Variants in CPED1 observed in about 807,000 individuals in gnomAD.
CPED1 encodes the protein cadherin like and PC-esterase domain containing 1.
Under a neutral mutation model 128.2 loss-of-function variants are expected in CPED1, and 114 were observed. The observed-to-expected ratio is 0.89, with a 90% CI of 0.76 to 1.04. CPED1 has a LOEUF of 1.04. Among genes scored for constraint, CPED1 ranks in the 50% least tolerant of loss-of-function variants. The pLI is 0.00. For missense variants in CPED1, 1,211 were observed against 1,207.1 expected, an observed-to-expected ratio of 1.00 and a Z score of -0.05; for synonymous variants, 462 against 426.7, an observed-to-expected ratio of 1.08 and a Z score of -1.02.
chr7:121,258,351 CATTGCAATATAGCACAATA>C (rs1791937294), intron 18 of CPED1, among the ~76,000 whole-genome samples: 1 of 152,008 alleles, frequency 6.6e-6, no homozygotes, highest in South Asian at 2.1e-4. Context: ...GAGAAACAAT[CATTGCAATATAGCACAATA>C]ATTGCAATAG....
At position 121,127,164 on chromosome 7, in the gene CPED1, A is replaced by T. The variant is rs1177776723; in HGVS notation, c.1209A>T (p.Leu403Phe). The part of the protein sequence containing the change: ...FEDQNTEEFL[L>F]NDTFNFLFPN... ...ACCAAAATACAGAAGAATTCCTTTT[A>T]AATGACACTTTCAATTTTCTCTTCC... is the stretch of plus-strand genomic sequence containing the variant. Residue 403 changes from leucine (L) to phenylalanine (F), a missense_variant, in exon 10 of 23, where the codon TTA (leucine) becomes TTT (phenylalanine). Coordinates refer to ENST00000310396, the MANE Select transcript of CPED1 (RefSeq NM_024913.5). 6.3e-7 allele frequency: 1 copy of T among 1,594,980 alleles called. No individual in the cohort carries two copies. Among genetic ancestry groups the T allele is most frequent in the Non-Finnish European group, 8.6e-7 (1 of 1,164,736 alleles).
chr7:121,091,624 A>G (rs1354809261), intron 5 of CPED1, among the ~76,000 whole-genome samples: 2 of 152,204 alleles, frequency 1.3e-5, no homozygotes, highest in African/African-American at 2.4e-5. Flanking sequence ...TCTTGAGCAT[A>G]TAAGTCAAAG....
intron 3 of CPED1, among the ~76,000 whole-genome samples, chr7:121,019,731 T>C (rs1792388736): frequency 6.6e-6 from 1 of 152,004 alleles, no homozygotes; most frequent in African/African-American, 2.4e-5. Flanking sequence ...AGAGTAAACA[T>C]ATGCACTATT....
rs564733005 is a variant in CPED1 at position 121,040,590 on chromosome 7, G to A, written c.434-6297G>A. Among the ~76,000 whole-genome samples, 8 of 152,054 alleles carry A rather than the reference G, an allele frequency of 5.3e-5. No individual in the cohort carries two copies. In the East Asian group the frequency reaches 1.5e-3, roughly 29 times the overall value. On this transcript the variant is annotated intron_variant, in intron 3 of 22. Transcript: ENST00000310396. ...AATGTACTCATGAACATAATACTAT[G>A]CACTAATCCTGATAAAGGATGGATA...
In CPED1 at chr7:121,013,716, C is replaced by T. The variant is rs2116806042; in HGVS notation, c.250-1949C>T. ...AGTTTAGATGCAGAGTTTGTGTCCT[C>T]CTGAACTACTCTATGCTCTGTCTAT... On this transcript the variant is annotated intron_variant, in intron 2 of 22. Transcript: ENST00000310396. 2.0e-5 allele frequency among the ~76,000 whole-genome samples: 3 copies of T among 152,286 alleles called. No individual in the cohort carries two copies. In the South Asian group the frequency reaches 6.2e-4, roughly 32 times the overall value.
chr7:121,161,449 A>G (rs1173373800), intron 16 of CPED1, among the ~76,000 whole-genome samples: 3 of 152,154 alleles, frequency 2.0e-5, no homozygotes, highest in African/African-American at 7.2e-5. Context: ...TCTCTCTCCC[A>G]GGATTTTTCT....
At chr7:121,009,233 A>G (rs1792100161) in intron 2 of CPED1, among the ~76,000 whole-genome samples, 1 of 152,072 alleles carries the variant, frequency 6.6e-6, no homozygotes, top group African/African-American at 2.4e-5. Context: ...AATTTAATAT[A>G]TTAGATAGAG....
At chr7:120,995,694 T>A (rs1187614948) in intron 2 of CPED1, among the ~76,000 whole-genome samples, 1 of 152,146 alleles carries the variant, frequency 6.6e-6, no homozygotes, top group Admixed American at 6.5e-5. Flanking sequence ...CCAACCACCA[T>A]TTTCCTAGAT....
chr7:121,128,100 A>G (rs1465213683), intron 10 of CPED1, among the ~76,000 whole-genome samples: 1 of 152,100 alleles, frequency 6.6e-6, no homozygotes, highest in Non-Finnish European at 1.5e-5. Context: ...GAGTGCTTCA[A>G]AATAACATGG....
intron 16 of CPED1, among the ~76,000 whole-genome samples, chr7:121,223,231 T>C (rs1317054119): frequency 6.6e-6 from 1 of 152,230 alleles, no homozygotes; most frequent in Non-Finnish European, 1.5e-5. Context: ...GTTTTTGTCA[T>C]TGGTTCTGTT....
chr7:121,282,919 A>C (rs1395329907), intron 22 of CPED1, among the ~76,000 whole-genome samples: 2 of 152,208 alleles, frequency 1.3e-5, no homozygotes, highest in Non-Finnish European at 2.9e-5. Context: ...ACAACTCTGA[A>C]GATTGAAAGA....
intron 7 of CPED1, among the ~76,000 whole-genome samples, chr7:121,112,004 G>A (rs1026844978): frequency 7.9e-5 from 12 of 152,232 alleles, no homozygotes; most frequent in African/African-American, 1.9e-4. Flanking sequence ...CTTCACTCAC[G>A]CTCCTAGATA....
At chr7:121,257,781 C>G (rs1318747052) in intron 18 of CPED1, among the ~76,000 whole-genome samples, 1 of 152,022 alleles carries the variant, frequency 6.6e-6, no homozygotes, top group Non-Finnish European at 1.5e-5. Flanking sequence ...AAGTTCTCAT[C>G]CTACCCAGAA....
In CPED1 at chr7:121,251,609, A is replaced by T. The variant is rs535223027; in HGVS notation, c.2310+7271A>T. On this transcript the variant is annotated intron_variant, in intron 18 of 22. Transcript: ENST00000310396. ...AATCTCCTTAAGCTGATAAGCAACTACAGCAAAGTCTCAGGATACAAAATC... is the reference window on the plus strand; with the variant it reads ...AATCTCCTTAAGCTGATAAGCAACTTCAGCAAAGTCTCAGGATACAAAATC... Among the ~76,000 whole-genome samples, 299 of 152,300 alleles carry T rather than the reference A, an allele frequency of 2.0e-3. 1 individual carries two copies. Among genetic ancestry groups the T allele is most frequent in the African/African-American group, 6.0e-3 (249 of 41,570 alleles).
intron 7 of CPED1, among the ~76,000 whole-genome samples, chr7:121,114,158 G>A (rs1795178819): frequency 6.6e-6 from 1 of 152,150 alleles, no homozygotes; most frequent in Non-Finnish European, 1.5e-5. Context: ...AAACCCAGGA[G>A]ATAGATTGAG....
intron 16 of CPED1, among the ~76,000 whole-genome samples, chr7:121,202,140 A>T (rs1644776203): frequency 2.6e-5 from 4 of 152,156 alleles, no homozygotes. Context: ...ATTACCTCTG[A>T]CCTGGCTTCC....
intron 2 of CPED1, among the ~76,000 whole-genome samples, chr7:120,996,011 G>T (rs1404712509): frequency 6.7e-6 from 1 of 150,340 alleles, no homozygotes; most frequent in South Asian, 2.1e-4. Flanking sequence ...GGGAGTGGTG[G>T]CTCACATCTG....
intron 7 of CPED1, among the ~76,000 whole-genome samples, chr7:121,113,460 C>G (rs145732403): frequency 6.6e-6 from 1 of 152,252 alleles, no homozygotes; most frequent in African/African-American, 2.4e-5. Context: ...GGTATTTTAG[C>G]TGGGCTTGGA....
chr7:121,037,791 T>G (rs777790881), intron 3 of CPED1, among the ~76,000 whole-genome samples: 1 of 152,184 alleles, frequency 6.6e-6, no homozygotes, highest in Non-Finnish European at 1.5e-5. Flanking sequence ...TTTCATTTGT[T>G]TATGTCATCT....
Sources: gnomAD v4.1 joint callset for allele counts (sites outside exome capture counted in the v4.1 genomes callset) on GRCh38, gnomAD v4.1.1 for gene constraint, MANE v1.5 for transcripts, NCBI Gene and HGNC (gene_info 2026-07-23, HGNC 2026-07-21) for gene names.